CAMTA1: variants seen among roughly 807,000 people sequenced by gnomAD.
CAMTA1 encodes calmodulin binding transcription activator 1.
A neutral mutation model predicts 170.9 loss-of-function variants in CAMTA1; 27 were observed. That is an observed-to-expected ratio of 0.16 (90% CI 0.12 to 0.22). The LOEUF (loss-of-function observed/expected upper bound fraction) is 0.22, where lower values mean the gene tolerates loss of function less well. Among genes scored for constraint, CAMTA1 ranks in the 10% least tolerant of loss-of-function variants. The probability of loss-of-function intolerance (pLI) is 1.00; values close to 1 mark genes in which losing one functional copy is unlikely to be tolerated. For synonymous variants in CAMTA1, 833 were observed against 891.5 expected (o/e 0.93, Z 1.17); for missense variants, 1,619 against 2,217.2 (o/e 0.73, Z 5.42).
intron 5 of CAMTA1, among the ~76,000 whole-genome samples, chr1:7,288,283 A>G (rs1203459936): frequency 6.6e-6 from 1 of 152,202 alleles, no homozygotes; most frequent in Non-Finnish European, 1.5e-5. Flanking sequence ...TATAATCTAG[A>G]GTGCTTTCCT....
intron 5 of CAMTA1, among the ~76,000 whole-genome samples, chr1:7,355,545 C>T (rs189314470): frequency 6.6e-6 from 1 of 152,344 alleles, no homozygotes; most frequent in African/African-American, 2.4e-5. Flanking sequence ...CAAAATATAG[C>T]TCAAGTCCAT....
chr1:7,184,102 A>G (rs1573724896), intron 4 of CAMTA1, among the ~76,000 whole-genome samples: 1 of 152,202 alleles, frequency 6.6e-6, no homozygotes, highest in African/African-American at 2.4e-5. Context: ...ACTGGAGGCC[A>G]TTGTGTTAAG....
chr1:7,722,271 A>G (rs1331813459), intron 11 of CAMTA1, among the ~76,000 whole-genome samples: 1 of 152,212 alleles, frequency 6.6e-6, no homozygotes, highest in African/African-American at 2.4e-5. Flanking sequence ...TTAAACATTT[A>G]AATGAATATT....
chr1:7,485,914 AC>A (rs2093611550), intron 6 of CAMTA1, among the ~76,000 whole-genome samples: 2 of 152,136 alleles, frequency 1.3e-5, no homozygotes. Context: ...TTCTCAGGCC[AC>A]CCCGGCATGC....
intron 7 of CAMTA1, among the ~76,000 whole-genome samples, chr1:7,650,208 A>G (rs1475829025): frequency 6.6e-6 from 1 of 152,122 alleles, no homozygotes; most frequent in Non-Finnish European, 1.5e-5. Flanking sequence ...GCGCACTCAC[A>G]CTTCACCCAC....
rs1053901485 is a variant in CAMTA1, at chr1:7,039,811, G to T, written c.235-51493G>T. Among the ~76,000 whole-genome samples, 5 of 152,212 alleles carry T rather than the reference G, an allele frequency of 3.3e-5. No homozygotes were observed. The East Asian group carries it at 7.7e-4, about 24-fold the overall frequency. ...AAAATGGGTAACCTATAGGGGAGTG[G>T]GAGTGTGAGTACAGACTTACATATA... On this transcript the variant is annotated intron_variant, in intron 3 of 22. Transcript: ENST00000303635.
At chr1:7,190,691 C>T (rs1274100666) in intron 4 of CAMTA1, among the ~76,000 whole-genome samples, 4 of 152,010 alleles carry the variant, frequency 2.6e-5, no homozygotes, top group African/African-American at 2.4e-5. Context: ...TATAGTAAGC[C>T]CAGCCTGCAA....
At chr1:7,395,505 A>G (rs1296932539) in intron 5 of CAMTA1, among the ~76,000 whole-genome samples, 1 of 152,136 alleles carries the variant, frequency 6.6e-6, no homozygotes, top group Non-Finnish European at 1.5e-5. Flanking sequence ...AGGTAATGTG[A>G]TGGACCCTCT....
chr1:7,514,775 C>A (rs559973303), intron 6 of CAMTA1, among the ~76,000 whole-genome samples: 1 of 152,190 alleles, frequency 6.6e-6, no homozygotes, highest in African/African-American at 2.4e-5. Context: ...AGACATCCAC[C>A]TGGAGCTGTG....
At chr1:7,126,082 G>A (rs1018460735) in intron 4 of CAMTA1, among the ~76,000 whole-genome samples, 3 of 152,148 alleles carry the variant, frequency 2.0e-5, no homozygotes, top group Non-Finnish European at 4.4e-5. Context: ...GGGAAACCAC[G>A]TATAAAACCA....
chr1:7,514,402 G>A (rs2094250016), intron 6 of CAMTA1, among the ~76,000 whole-genome samples: 1 of 152,230 alleles, frequency 6.6e-6, no homozygotes, highest in African/African-American at 2.4e-5. Context: ...GTGGGGAAGG[G>A]CATTGACTTG....
chr1:7,024,104 C>T (rs1304999922), intron 3 of CAMTA1, among the ~76,000 whole-genome samples: 1 of 151,656 alleles, frequency 6.6e-6, no homozygotes, highest in Non-Finnish European at 1.5e-5. Flanking sequence ...TGAGATCCAC[C>T]GAACTGTGGT....
chr1:7,121,871 T>C (rs969589651), intron 4 of CAMTA1, among the ~76,000 whole-genome samples: 4 of 151,998 alleles, frequency 2.6e-5, no homozygotes, highest in South Asian at 2.1e-4. Flanking sequence ...CTGAGTCTTA[T>C]GGGCATCTGG....
chr1:7,419,270 C>T lies in CAMTA1; in HGVS notation c.439-48560C>T, dbSNP rs140117235. 1.0e-2 allele frequency among the ~76,000 whole-genome samples: 1,516 copies of T among 152,324 alleles called. 27 individuals carry two copies. The highest frequency in any genetic ancestry group is 0.034 in the African/African-American group (1,407 of 41,554). The stretch of plus-strand genomic sequence containing the variant: ...TCCTGGGTTTAAATGATTCTTCTGC[C>T]TCAGCCTCCCAAGTAGCTGGGATTA... On this transcript the variant is annotated intron_variant, in intron 5 of 22. Transcript: ENST00000303635.
rs144447753 is a variant in CAMTA1, at chr1:6,930,315, T to C, written c.234+105105T>C. On this transcript the variant is annotated intron_variant, in intron 3 of 22. Coordinates refer to ENST00000303635, the MANE Select transcript of CAMTA1 (RefSeq NM_015215.4). ...ATGTTCCCACCATTGTACACCGTCA[T>C]ATGCTGAAGGATGAAGGATGTTGGC... Among the ~76,000 whole-genome samples the C allele has an allele frequency of 1.4e-3, 217 of 152,282 alleles. 1 individual carries two copies. Among genetic ancestry groups the C allele is most frequent in the African/African-American group, 5.0e-3 (207 of 41,544 alleles).
At chr1:6,806,960 A>T in intron 1 of CAMTA1, 1 of 516,698 alleles carries the variant, frequency 1.9e-6, no homozygotes, top group Non-Finnish European at 3.6e-6. Flanking sequence ...CTCAACAAAT[A>T]ACAAAGTGCC....
At chr1:6,943,010 T>A (rs953611660) in intron 3 of CAMTA1, among the ~76,000 whole-genome samples, 2 of 152,138 alleles carry the variant, frequency 1.3e-5, no homozygotes, top group Non-Finnish European at 2.9e-5. Context: ...TGATTTCTGT[T>A]GGGGGCCTTC....
intron 4 of CAMTA1, among the ~76,000 whole-genome samples, chr1:7,169,862 A>T (rs1349360896): frequency 2.0e-5 from 3 of 152,078 alleles, no homozygotes; most frequent in Admixed American, 1.3e-4. Context: ...ATAGTCATAT[A>T]TCCTCTCAAT....
At chr1:7,129,172 A>AG (rs1645106308) in intron 4 of CAMTA1, among the ~76,000 whole-genome samples, 1 of 152,076 alleles carries the variant, frequency 6.6e-6, no homozygotes, top group Admixed American at 6.6e-5. Context: ...CTATAAGGTC[A>AG]CTTGCCCAGG....
Sources: allele counts gnomAD v4.1 joint callset (sites outside exome capture counted in the v4.1 genomes callset), GRCh38; gene constraint gnomAD v4.1.1; transcripts MANE v1.5; gene names NCBI Gene and HGNC (gene_info 2026-07-23, HGNC 2026-07-21).